Variants in RAB40C observed in about 807,000 individuals in gnomAD.
RAB40C encodes the protein ras-related protein Rab-40C.
RAB40C carries 8 observed loss-of-function variants against 28.1 expected under a neutral mutation model. That is an observed-to-expected ratio of 0.28 (90% CI 0.17 to 0.51). The LOEUF (loss-of-function observed/expected upper bound fraction) is 0.51, where lower values mean the gene tolerates loss of function less well. RAB40C is among the 20% of genes least tolerant of loss of function. The pLI is 0.97. For missense variants in RAB40C, 288 were observed against 405.9 expected, an observed-to-expected ratio of 0.71 and a Z score of 2.50; for synonymous variants, 201 against 171.7, an observed-to-expected ratio of 1.17 and a Z score of -1.34.
intron 3 of RAB40C, chr16:624,831 G>A: frequency 2.0e-6 from 2 of 985,478 alleles, no homozygotes; most frequent in Non-Finnish European, 2.4e-6. Context: ...GGAGAGCCAT[G>A]ACTGTCACTG....
intron 1 of RAB40C, among the ~76,000 whole-genome samples, chr16:613,619 C>T (rs887849657): frequency 8.5e-5 from 13 of 152,186 alleles, no homozygotes; most frequent in Non-Finnish European, 1.5e-4. Context: ...GCTTCTTGGT[C>T]GTCGGTTTTT....
At chr16:598,257 A>G (rs1318813429) in intron 1 of RAB40C, among the ~76,000 whole-genome samples, 1 of 152,040 alleles carries the variant, frequency 6.6e-6, no homozygotes, top group Non-Finnish European at 1.5e-5. Context: ...GGGCACCTGT[A>G]GTCCCAGCTA....
In RAB40C at chr16:599,352, C is replaced by T. The variant is rs543338369; in HGVS notation, c.142+8919C>T. Among the ~76,000 whole-genome samples the T allele has an allele frequency of 4.6e-5, 7 of 152,338 alleles. No homozygotes were observed. In the East Asian group the frequency reaches 5.8e-4, roughly 13 times the overall value. On this transcript the variant is annotated intron_variant, in intron 1 of 5. Coordinates refer to ENST00000248139, the MANE Select transcript of RAB40C (RefSeq NM_021168.5). The stretch of plus-strand genomic sequence containing the variant: ...GCCGGCCACAGCCCTAGTGGCTGCC[C>T]GCAGAGTCTTGCGCCCACCTGATTC...
chr16:605,438 A>G (rs2036339905), intron 1 of RAB40C, among the ~76,000 whole-genome samples: 1 of 152,218 alleles, frequency 6.6e-6, no homozygotes, highest in Non-Finnish European at 1.5e-5. Flanking sequence ...CCGGCCTGAG[A>G]AAGCATCAGC....
At chr16:595,637 C>G (rs1047104841) in intron 1 of RAB40C, among the ~76,000 whole-genome samples, 5 of 145,204 alleles carry the variant, frequency 3.4e-5, no homozygotes, top group African/African-American at 1.0e-4. Context: ...GAGTCTAACT[C>G]TGTTGCCCAG....
chr16:601,246 G>GT (rs1324377689), intron 1 of RAB40C, among the ~76,000 whole-genome samples: 3 of 152,218 alleles, frequency 2.0e-5, no homozygotes, highest in African/African-American at 7.2e-5. Flanking sequence ...CATCAAGGCT[G>GT]TATCACCGAG....
At chr16:625,275 A>G in intron 3 of RAB40C, 157 bp from the exon 4 acceptor site, 1 of 1,453,152 alleles carries the variant, frequency 6.9e-7, no homozygotes, top group South Asian at 1.3e-5. Context: ...GGGCTGCACC[A>G]GCTCTGCCTG....
chr16:621,528 G>A (rs893872887), intron 3 of RAB40C, among the ~76,000 whole-genome samples: 4 of 152,234 alleles, frequency 2.6e-5, no homozygotes, highest in Non-Finnish European at 4.4e-5. Flanking sequence ...GCAGTCCCGC[G>A]GCTCTTCCCG....
chr16:623,793 A>G (rs564050778), intron 3 of RAB40C: 1 of 237,082 alleles, frequency 4.2e-6, no homozygotes, highest in East Asian at 1.8e-4. Flanking sequence ...AAAAATGTTT[A>G]AAAAAACTTA....
chr16:601,985 G>C lies in RAB40C; in HGVS notation c.142+11552G>C, dbSNP rs537201371. 2.0e-5 allele frequency among the ~76,000 whole-genome samples: 3 copies of C among 152,038 alleles called. No homozygotes were observed. In the East Asian group the frequency reaches 5.8e-4, roughly 29 times the overall value. The stretch of plus-strand genomic sequence containing the variant: ...TACTGAAAATATAAAAGTTAGCGGG[G>C]TGTGGTGTCGGGCACCTGTAATCCC... On this transcript the variant is annotated intron_variant, in intron 1 of 5. Coordinates refer to ENST00000248139, the MANE Select transcript of RAB40C (RefSeq NM_021168.5).
intron 3 of RAB40C, among the ~76,000 whole-genome samples, chr16:621,706 G>A (rs915046955): frequency 1.3e-5 from 2 of 152,222 alleles, no homozygotes; most frequent in Non-Finnish European, 2.9e-5. Context: ...GTGGAGGGTG[G>A]GGTAGGCTCC....
rs1371710939 is a variant in RAB40C, at chr16:610,167, C to A, written c.143-7041C>A. Among the ~76,000 whole-genome samples the A allele has an allele frequency of 1.3e-5, 2 of 152,160 alleles. No homozygotes were observed. Among genetic ancestry groups the A allele is most frequent in the Non-Finnish European group, 2.9e-5 (2 of 68,024 alleles). On this transcript the variant is annotated intron_variant, in intron 1 of 5. Transcript: ENST00000248139. The surrounding 1 kb of genome is among the most constrained non-coding windows in gnomAD (Gnocchi z 4.6). The stretch of plus-strand genomic sequence containing the variant: ...CGGTAGACAGAACCAGCAGCCGAGG[C>A]GCCGGTGGCTTTGCTCTGGTGGCAG...
At chr16:608,371 G>T (rs886734180) in intron 1 of RAB40C, among the ~76,000 whole-genome samples, 1 of 152,196 alleles carries the variant, frequency 6.6e-6, no homozygotes, top group South Asian at 2.1e-4. Context: ...TTTGGGCGGG[G>T]ACACAGCCAA....
rs368904907 is a variant in RAB40C at position 617,893 on chromosome 16, G to T, written c.204-307G>T. Among the ~76,000 whole-genome samples, 14 of 152,286 alleles carry T rather than the reference G, an allele frequency of 9.2e-5. 1 individual carries two copies. The highest frequency in any genetic ancestry group is 3.4e-4 in the African/African-American group (14 of 41,556). On this transcript the variant is annotated intron_variant, in intron 2 of 5. Transcript: ENST00000248139. ...CCCAGAACGTCAGCGTTGATGAGAC[G>T]TGAATGTCCACAGGGTTGGGGTTCC...
chr16:597,442 C>T (rs541799140), intron 1 of RAB40C, among the ~76,000 whole-genome samples: 3 of 151,644 alleles, frequency 2.0e-5, no homozygotes, highest in Admixed American at 6.6e-5. Context: ...AAAGACATGC[C>T]CATCCTGTGA....
chr16:627,703 C>T lies in RAB40C; in HGVS notation c.*81C>T. The T allele has an allele frequency of 6.9e-7, 1 of 1,447,908 alleles. No homozygotes were observed. The highest frequency in any genetic ancestry group is 9.2e-7 in the Non-Finnish European group (1 of 1,087,428). 89.7% of individuals were successfully genotyped at this position (1,447,908 alleles called of 1,614,324 possible). ...CTGGCTGGACGCCAGGCCAGTGCCG[C>T]CTACGTGGAGACTGTCCACACAGCT... On this transcript the variant is annotated 3_prime_UTR_variant, in exon 6 of 6. Coordinates refer to ENST00000248139, the MANE Select transcript of RAB40C (RefSeq NM_021168.5).
chr16:609,739 G>A (rs188226276), intron 1 of RAB40C, among the ~76,000 whole-genome samples: 53 of 152,254 alleles, frequency 3.5e-4, no homozygotes, highest in African/African-American at 9.9e-4. Context: ...GCCATAGAAG[G>A]GCTAGAAAAG....
chr16:600,152 G>A (rs1340124782), intron 1 of RAB40C, among the ~76,000 whole-genome samples: 1 of 152,186 alleles, frequency 6.6e-6, no homozygotes, highest in African/African-American at 2.4e-5. Context: ...GCCTCTTCAG[G>A]TGGCACCTGC....
intron 3 of RAB40C, among the ~76,000 whole-genome samples, chr16:618,993 C>G (rs1400972018): frequency 1.5e-4 from 12 of 82,600 alleles, no homozygotes; most frequent in African/African-American, 2.8e-4. Flanking sequence ...GTCTGGCGGA[C>G]GCACTGGGGC....
Sources: allele counts gnomAD v4.1 joint callset (sites outside exome capture counted in the v4.1 genomes callset), GRCh38; gene constraint gnomAD v4.1.1; non-coding constraint Gnocchi (gnomAD v3.1); transcripts MANE v1.5; gene names NCBI Gene and HGNC (gene_info 2026-07-23, HGNC 2026-07-21).